The following PCBP2 variants were observed in gnomAD, a reference collection of about 807,000 sequenced individuals.
PCBP2 encodes the protein poly(rC) binding protein 2, also known as poly(rC)-binding protein 2.
PCBP2 carries 4 observed loss-of-function variants against 50.1 expected under a neutral mutation model. The observed-to-expected ratio is 0.08, with a 90% CI of 0.04 to 0.18. The LOEUF is 0.18. PCBP2 is among the 10% of genes least tolerant of loss of function. PCBP2 has a pLI of 1.00. For synonymous variants in PCBP2, 179 were observed against 168.0 expected, an observed-to-expected ratio of 1.07 and a Z score of -0.51; for missense variants, 161 against 474.3, an observed-to-expected ratio of 0.34 and a Z score of 6.14.
chr12:53,478,313 G>A (rs965077320), intron 14 of PCBP2, among the ~76,000 whole-genome samples: 1 of 152,128 alleles, frequency 6.6e-6, no homozygotes, highest in Admixed American at 6.5e-5. Flanking sequence ...TTTGAGACCA[G>A]CCTGGCCAAC....
chr12:53,473,654 A>G (rs1283626113), intron 14 of PCBP2, among the ~76,000 whole-genome samples: 1 of 152,244 alleles, frequency 6.6e-6, no homozygotes, highest in African/African-American at 2.4e-5. Context: ...TTAGCCATGG[A>G]TTAGGGTCAA....
chr12:53,476,651 CAAAAA>C (rs534727604), intron 14 of PCBP2, among the ~76,000 whole-genome samples: 1 of 136,194 alleles, frequency 7.3e-6, no homozygotes, highest in African/African-American at 2.7e-5. Flanking sequence ...CATTGGCTGA[CAAAAA>C]AAAAAAAGCT....
chr12:53,477,691 A>AC (rs1942713747), intron 14 of PCBP2, among the ~76,000 whole-genome samples: 2 of 149,808 alleles, frequency 1.3e-5, no homozygotes, highest in Admixed American at 6.8e-5. Flanking sequence ...AAAAAAAAAA[A>AC]AAACCCTAAA....
chr12:53,465,465 G>T (rs923499223), intron 9 of PCBP2, among the ~76,000 whole-genome samples: 1 of 152,180 alleles, frequency 6.6e-6, no homozygotes, highest in African/African-American at 2.4e-5. Context: ...AGAGAAATAA[G>T]TTGGAGAAAG....
At chr12:53,461,195 G>A in intron 7 of PCBP2, 52 bp downstream of exon 7, 1 of 1,595,286 alleles carries the variant, frequency 6.3e-7, no homozygotes, top group Non-Finnish European at 8.6e-7. Context: ...TCTGGGGACA[G>A]AGGGACTGAT....
At chr12:53,457,560 C>A (rs1023138373) in intron 5 of PCBP2, among the ~76,000 whole-genome samples, 1 of 150,516 alleles carries the variant, frequency 6.6e-6, no homozygotes, top group Non-Finnish European at 1.5e-5. Flanking sequence ...TGCCTAGGCT[C>A]GTCTTGAACT....
chr12:53,458,829 G>C (rs992547100), intron 5 of PCBP2, among the ~76,000 whole-genome samples: 2 of 151,836 alleles, frequency 1.3e-5, no homozygotes, highest in Admixed American at 6.6e-5. Flanking sequence ...AGTGGAGACG[G>C]GGTCTCACTA....
chr12:53,477,931 T>G (rs1484219703), intron 14 of PCBP2, among the ~76,000 whole-genome samples: 1 of 152,226 alleles, frequency 6.6e-6, no homozygotes, highest in Non-Finnish European at 1.5e-5. Context: ...TCTTATGAAC[T>G]GAAATGAAGT....
intron 7 of PCBP2, among the ~76,000 whole-genome samples, chr12:53,461,632 A>G (rs908552136): frequency 5.3e-5 from 8 of 152,232 alleles, no homozygotes; most frequent in African/African-American, 1.9e-4. Flanking sequence ...TATTAAAAGA[A>G]TAGCAAAATT....
chr12:53,471,407 G>A (rs986232112), intron 13 of PCBP2, among the ~76,000 whole-genome samples: 2 of 151,758 alleles, frequency 1.3e-5, no homozygotes, highest in Admixed American at 6.6e-5. Flanking sequence ...GTGAAACCCC[G>A]TCTCTACTAA....
At chr12:53,475,518 C>G (rs909930229) in intron 14 of PCBP2, 2 of 167,962 alleles carry the variant, frequency 1.2e-5, no homozygotes. Context: ...GTGTTAGGCT[C>G]TGTGTTAATG....
At chr12:53,454,127 G>T (rs552680948) in intron 1 of PCBP2, among the ~76,000 whole-genome samples, 1 of 152,206 alleles carries the variant, frequency 6.6e-6, no homozygotes, top group Non-Finnish European at 1.5e-5. Context: ...TGGAACCCCA[G>T]CCTGCGTGGA....
chr12:53,472,619 A>G (rs969061998), intron 14 of PCBP2, among the ~76,000 whole-genome samples: 4 of 152,212 alleles, frequency 2.6e-5, no homozygotes, highest in African/African-American at 9.6e-5. Flanking sequence ...AATGTTGTCT[A>G]GTTATCATTT....
At chr12:53,454,909 A>AG in intron 2 of PCBP2, 40 bp downstream of exon 2, 1 of 1,532,828 alleles carries the variant, frequency 6.5e-7, no homozygotes, top group Non-Finnish European at 9.0e-7. Context: ...AGTAACTGCT[A>AG]GGGGAGGGGC....
chr12:53,453,848 T>C (rs1940773667), intron 1 of PCBP2, among the ~76,000 whole-genome samples: 1 of 152,228 alleles, frequency 6.6e-6, no homozygotes, highest in South Asian at 2.1e-4. Context: ...AGGAATTGTT[T>C]CATAGGTGGG....
chr12:53,462,507 C>T lies in PCBP2; in HGVS notation c.519C>T (p.Gly173=), dbSNP rs1340945314. 1.9e-6 allele frequency: 3 copies of T among 1,612,386 alleles called. No individual in the cohort carries two copies. Among genetic ancestry groups the T allele is most frequent in the Non-Finnish European group, 2.5e-6 (3 of 1,178,884 alleles). The change falls in exon 8 of 15, where the codon GGC becomes GGT. Residue 173 remains glycine, a synonymous_variant. Coordinates refer to ENST00000546463, the MANE Select transcript of PCBP2 (RefSeq NM_031989.5). ...CVVMLESPPK[G]VTIPYRPKPS... is the part of the protein sequence containing the mutation. Reference sequence around the variant, plus strand: ...CTCTCTCCCAGTCCCCCCCGAAGGGCGTGACCATCCCGTACCGGCCCAAGC... The same window carrying T: ...CTCTCTCCCAGTCCCCCCCGAAGGGTGTGACCATCCCGTACCGGCCCAAGC...
chr12:53,474,974 C>T (rs1323967211), intron 14 of PCBP2: 1 of 456,794 alleles, frequency 2.2e-6, no homozygotes. Context: ...CTTCCTCCTC[C>T]ACCACCACCC....
chr12:53,475,621 C>T (rs939568932), intron 14 of PCBP2: 53 of 165,154 alleles, frequency 3.2e-4, no homozygotes, highest in Admixed American at 2.7e-3. Flanking sequence ...ATTTGTGTTT[C>T]TAGCTGTAAT....
At chr12:53,466,034 C>G (rs1182313065) in intron 10 of PCBP2, 61 bp downstream of exon 10, 5 of 1,408,166 alleles carry the variant, frequency 3.6e-6, no homozygotes, top group Non-Finnish European at 5.0e-6. Context: ...AATTGTCTCA[C>G]TCCTCTCTCC....
Sources: gnomAD v4.1 joint callset for allele counts (sites outside exome capture counted in the v4.1 genomes callset) on GRCh38, gnomAD v4.1.1 for gene constraint, MANE v1.5 for transcripts, NCBI Gene and HGNC (gene_info 2026-07-23, HGNC 2026-07-21) for gene names.